Variants in SLC13A1 observed in about 807,000 individuals in gnomAD.
The protein encoded by SLC13A1 is solute carrier family 13 member 1.
SLC13A1 carries 65 observed loss-of-function variants against 70.0 expected under a neutral mutation model. The observed-to-expected ratio is 0.93, with a 90% CI of 0.76 to 1.14. The LOEUF is 1.14. SLC13A1 is among the 50% of genes most tolerant of loss of function. The pLI is 0.00. For synonymous variants in SLC13A1, 275 were observed against 250.5 expected (o/e 1.10, Z -0.92); for missense variants, 726 against 717.8 (o/e 1.01, Z -0.13).
intron 1 of SLC13A1, among the ~76,000 whole-genome samples, chr7:123,189,114 C>CAAAAAAAA (rs34956751): frequency 2.0e-5 from 2 of 99,478 alleles, no homozygotes; most frequent in Non-Finnish European, 1.8e-5. Context: ...GACTCCGTCT[C>CAAAAAAAA]AAAAAAAAAA....
chr7:123,135,294 G>C lies in SLC13A1; in HGVS notation c.813-765C>G, dbSNP rs139021869. ...CAACATAAGATCAGACACTAGCACA[G>C]TTTCTTTGGTAACCTCACATTCATT... is the stretch of plus-strand genomic sequence containing the variant. On this transcript the variant is annotated intron_variant, in intron 7 of 14. Coordinates refer to ENST00000194130, the MANE Select transcript of SLC13A1 (RefSeq NM_022444.4). 5.9e-5 allele frequency among the ~76,000 whole-genome samples: 9 copies of C among 152,260 alleles called. No individual in the cohort carries two copies. In the East Asian group the frequency reaches 1.5e-3, roughly 26 times the overall value.
chr7:123,181,146 G>A, intron 1 of SLC13A1, 45 bp from the exon 2 acceptor site: 1 of 1,588,394 alleles, frequency 6.3e-7, no homozygotes, highest in Non-Finnish European at 8.6e-7. Flanking sequence ...TATGAGGCTG[G>A]AGAAGTCAAC....
chr7:123,151,263 G>A (rs1794545018), intron 6 of SLC13A1, among the ~76,000 whole-genome samples: 2 of 151,934 alleles, frequency 1.3e-5, no homozygotes, highest in South Asian at 4.2e-4. Flanking sequence ...GGCAGAGGTT[G>A]CAGTGAGTCA....
intron 2 of SLC13A1, among the ~76,000 whole-genome samples, chr7:123,174,294 A>G (rs1210490783): frequency 6.6e-6 from 1 of 152,118 alleles, no homozygotes. Flanking sequence ...GTTCATTTCC[A>G]TTTGAATTTC....
intron 1 of SLC13A1, among the ~76,000 whole-genome samples, chr7:123,181,499 G>A (rs1036756642): frequency 2.6e-5 from 4 of 152,096 alleles, no homozygotes; most frequent in Non-Finnish European, 5.9e-5. Context: ...CAGGATACCT[G>A]CCTTTTAAAT....
chr7:123,166,018 C>T (rs949477450), intron 6 of SLC13A1, among the ~76,000 whole-genome samples: 2 of 152,016 alleles, frequency 1.3e-5, no homozygotes, highest in African/African-American at 4.8e-5. Flanking sequence ...TCTTTCCAGA[C>T]TCAAATGTCT....
chr7:123,181,155 A>G, intron 1 of SLC13A1, 54 bp from the exon 2 acceptor site: 1 of 1,570,492 alleles, frequency 6.4e-7, no homozygotes, highest in Non-Finnish European at 8.7e-7. Context: ...GGAGAAGTCA[A>G]CATTCAAACA....
intron 11 of SLC13A1, among the ~76,000 whole-genome samples, 167 bp from the exon 12 acceptor site, chr7:123,123,402 G>T (rs1252863306): frequency 3.3e-5 from 5 of 151,930 alleles, no homozygotes; most frequent in Non-Finnish European, 7.4e-5. Flanking sequence ...GGACTAGGTG[G>T]AACATTCTAC....
chr7:123,168,422 T>C lies in SLC13A1; in HGVS notation c.612A>G (p.Gly204=). 1 of 1,594,800 alleles carries C rather than the reference T, an allele frequency of 6.3e-7. No homozygotes were observed. The highest frequency in any genetic ancestry group is 8.6e-7 in the Non-Finnish European group (1 of 1,166,414). ...ERKEKTKPVP[G]YNNDTGKISS... ...AAATTTTCCCTGTATCATTATTGTA[T>C]CTGAAAAATACATTGATCCAGTTAT... The change falls in exon 6 of 15, where the codon GGA becomes GGG. Residue 204 remains glycine (G), a splice_region_variant and synonymous_variant. Coordinates refer to ENST00000194130, the MANE Select transcript of SLC13A1 (RefSeq NM_022444.4).
intron 6 of SLC13A1, among the ~76,000 whole-genome samples, chr7:123,164,203 G>C (rs1223580560): frequency 6.6e-6 from 1 of 151,878 alleles, no homozygotes; most frequent in Non-Finnish European, 1.5e-5. Context: ...TTGAGCAAAT[G>C]TTAAATGTAT....
rs1003794552 is a variant in SLC13A1 at position 123,117,516 on chromosome 7, G to C, written c.1605C>G (p.Pro535=). The change falls in exon 14 of 15, where the codon CCC becomes CCG. Residue 535 remains proline, a synonymous_variant. Coordinates refer to ENST00000194130, the MANE Select transcript of SLC13A1 (RefSeq NM_022444.4). The part of the protein sequence containing the change: ...FAFLLPVANP[P]NAIVFSYGHL... The stretch of plus-strand genomic sequence containing the variant: ...GACCATATGAAAAGACAATAGCATT[G>C]GGTGGATTTGCTACTGGTAGGAGGA... The C allele has an allele frequency of 1.4e-5, 23 of 1,613,158 alleles. No individual in the cohort carries two copies. The highest frequency in any genetic ancestry group is 1.9e-5 in the Non-Finnish European group (22 of 1,179,462).
Position 123,129,357 on chromosome 7 carries a change from TGTGTGTGTG to T in SLC13A1, c.1031+17_1031+25del. ...GTGTGTGTGTGTGTGTGTGTGTGTG[TGTGTGTGTG>T]TGTGTGTTTGTCTTACCTTATTGGC... On this transcript the variant is annotated intron_variant, in intron 9 of 14. Transcript: ENST00000194130. 8.5e-7 allele frequency: 1 copy of T among 1,178,166 alleles called. No homozygotes were observed. The allele number at this position is 1,178,166 out of a possible 1,614,324, so 73.0% of individuals were successfully genotyped here. A position where few individuals can be genotyped will look rare whatever the true frequency, so the allele number is the denominator to read the frequency against.
At chr7:123,177,318 C>T (rs1211088635) in intron 2 of SLC13A1, among the ~76,000 whole-genome samples, 1 of 152,054 alleles carries the variant, frequency 6.6e-6, no homozygotes, top group East Asian at 1.9e-4. Context: ...CTACTACTGC[C>T]CCTGGTCTGA....
At position 123,114,690 on chromosome 7, in the gene SLC13A1, C is replaced by T. The variant is rs568740604; in HGVS notation, c.*828G>A. On this transcript the variant is annotated 3_prime_UTR_variant, in exon 15 of 15. Transcript: ENST00000194130. ...CTTAAGCAAAGTTGTTACTCATATA[C>T]GAAAATATGTTAATAGTTTTATAGT... 6.6e-6 allele frequency: 1 copy of T among 152,132 alleles called. No individual in the cohort carries two copies. The highest frequency in any genetic ancestry group is 2.1e-4 in the South Asian group (1 of 4,814). 9.4% of individuals were successfully genotyped at this position (152,132 alleles called of 1,614,324 possible).
chr7:123,184,174 A>G (rs1490706459), intron 1 of SLC13A1, among the ~76,000 whole-genome samples: 2 of 152,088 alleles, frequency 1.3e-5, no homozygotes, highest in Non-Finnish European at 2.9e-5. Context: ...TATGTACTGT[A>G]TTTATCATGT....
At chr7:123,169,790 G>C (rs1795204140) in intron 3 of SLC13A1, among the ~76,000 whole-genome samples, 1 of 152,038 alleles carries the variant, frequency 6.6e-6, no homozygotes, top group Non-Finnish European at 1.5e-5. Context: ...GTTCATAGGG[G>C]TGTCAAGGAG....
intron 2 of SLC13A1, among the ~76,000 whole-genome samples, chr7:123,178,033 C>CTCTCTCTCTCTCTCTCTCTA (rs761704605): frequency 5.3e-5 from 8 of 149,958 alleles, no homozygotes; most frequent in African/African-American, 2.0e-4. Context: ...CTCTCTCTCT[C>CTCTCTCTCTCTCTCTCTCTA]TATATATATA....
chr7:123,161,025 C>T (rs1585353153), intron 6 of SLC13A1, among the ~76,000 whole-genome samples: 1 of 151,542 alleles, frequency 6.6e-6, no homozygotes, highest in South Asian at 2.1e-4. Context: ...AATACACCAA[C>T]AAAGTAGACA....
intron 3 of SLC13A1, 124 bp from the exon 4 acceptor site, chr7:123,169,459 A>G (rs1188310599): frequency 2.3e-6 from 2 of 851,614 alleles, no homozygotes; most frequent in East Asian, 5.3e-5. Context: ...AAAACATGGA[A>G]GGTTAAGATT....
Sources: allele counts gnomAD v4.1 joint callset (sites outside exome capture counted in the v4.1 genomes callset), GRCh38; gene constraint gnomAD v4.1.1; transcripts MANE v1.5; gene names NCBI Gene and HGNC (gene_info 2026-07-23, HGNC 2026-07-21).